Variants in ATP7A observed in about 807,000 individuals in gnomAD.
The protein encoded by ATP7A is ATPase copper transporting alpha.
In ATP7A, 7 loss-of-function variants were observed where a neutral mutation model predicts 83.5. That is an observed-to-expected ratio of 0.08 (90% CI 0.05 to 0.16). The LOEUF is 0.16. Ranked by LOEUF, ATP7A falls within the 10% of genes least tolerant of loss-of-function variation. ATP7A has a pLI of 1.00. For missense variants in ATP7A, 940 were observed against 1,120.8 expected (o/e 0.84, Z 2.30); for synonymous variants, 354 against 395.2 (o/e 0.90, Z 1.24).
chrX:77,991,226 C>T (rs1327821449), intron 4 of ATP7A, among the ~76,000 whole-genome samples: 1 of 111,437 alleles, frequency 9.0e-6, no homozygotes, highest in African/African-American at 3.3e-5. Context: ...CCCATTTCTC[C>T]TTCCCCTCCC....
At chrX:78,041,332 G>C (rs782415835) in intron 19 of ATP7A, among the ~76,000 whole-genome samples, 1 of 109,630 alleles carries the variant, frequency 9.1e-6, no homozygotes, top group East Asian at 2.9e-4. Flanking sequence ...CTGAAGTGCA[G>C]TGGCGCGATC....
At chrX:77,921,863 G>A (rs939955634) in intron 1 of ATP7A, among the ~76,000 whole-genome samples, 1 of 111,419 alleles carries the variant, frequency 9.0e-6, no homozygotes, top group Non-Finnish European at 1.9e-5. Flanking sequence ...CTGAGATCAC[G>A]CTACTGCACT....
intron 1 of ATP7A, among the ~76,000 whole-genome samples, chrX:77,931,637 G>A (rs782190703): frequency 3.8e-5 from 4 of 104,984 alleles, no homozygotes; most frequent in South Asian, 4.3e-4. Context: ...CTGGCCGGGC[G>A]GGGGGCTGAC....
At chrX:77,923,498 GA>G (rs1196482896) in intron 1 of ATP7A, 1 of 111,128 alleles carries the variant, frequency 9.0e-6, no homozygotes, top group African/African-American at 3.3e-5. Context: ...TATCTGGCCA[GA>G]TACAATTTGT....
intron 1 of ATP7A, among the ~76,000 whole-genome samples, chrX:77,956,726 C>CCTTTCTTTCTTTCTTT (rs202001825): frequency 0.022 from 1,651 of 73,711 alleles, 44 homozygotes; most frequent in Middle Eastern, 0.036. Context: ...TACCCAGTCT[C>CCTTTCTTTCTTTCTTT]CTTTCTTTCT....
In ATP7A at chrX:77,971,616, A is replaced by G. The variant is rs1557229667; in HGVS notation, c.-21-5A>G. The G allele has an allele frequency of 1.7e-6, 2 of 1,208,357 alleles. No individual in the cohort carries two copies. The highest frequency in any genetic ancestry group is 2.2e-6 in the Non-Finnish European group (2 of 892,332). On this transcript the variant is annotated splice_polypyrimidine_tract_variant and splice_region_variant and intron_variant, in intron 1 of 22. Transcript: ENST00000341514. The stretch of plus-strand genomic sequence containing the variant: ...TGAAATTAATGAATTTATTGTTTCT[A>G]ACAGGAATGTAATGAGGAAATCAAA...
At chrX:77,928,562 T>C (rs782537314) in intron 1 of ATP7A, among the ~76,000 whole-genome samples, 1 of 111,224 alleles carries the variant, frequency 9.0e-6, no homozygotes, top group Non-Finnish European at 1.9e-5. Flanking sequence ...GTAAGAGATA[T>C]ATGTTCCTTG....
intron 1 of ATP7A, among the ~76,000 whole-genome samples, chrX:77,915,521 A>T (rs1281207091): frequency 1.1e-4 from 12 of 111,013 alleles, no homozygotes; most frequent in Non-Finnish European, 2.3e-4. Flanking sequence ...GATCTAATAC[A>T]TGTACGGTGT....
intron 17 of ATP7A, among the ~76,000 whole-genome samples, chrX:78,035,911 T>C (rs1557237690): frequency 8.9e-6 from 1 of 111,990 alleles, no homozygotes; most frequent in Non-Finnish European, 1.9e-5. Context: ...GTACTTAATC[T>C]CTGTTACTGT....
Position 78,011,687 on chromosome X carries a change from T to C in ATP7A, c.2172+13T>C, listed in dbSNP as rs782730248. ...TGTACCTGTACAGGCAAGTGAATTG[T>C]TAGCAAATATATTTGTTAATAATAA... On this transcript the variant is annotated intron_variant, in intron 9 of 22. Coordinates refer to ENST00000341514, the MANE Select transcript of ATP7A (RefSeq NM_000052.7). 9.2e-6 allele frequency: 11 copies of C among 1,194,676 alleles called. No individual in the cohort carries two copies. Among genetic ancestry groups the C allele is most frequent in the Non-Finnish European group, 1.2e-5 (11 of 881,631 alleles).
At chrX:78,007,364 C>T (rs1457717877) in intron 6 of ATP7A, among the ~76,000 whole-genome samples, 3 of 110,034 alleles carry the variant, frequency 2.7e-5, no homozygotes, top group South Asian at 3.8e-4. Context: ...CTCGCTCTGT[C>T]GCCCAGGCTG....
rs1337281661 is a variant in ATP7A, at chrX:77,910,826, G to C, written c.-31G>C. 1 of 112,298 alleles carries C rather than the reference G, an allele frequency of 8.9e-6. No homozygotes were observed. The highest frequency in any genetic ancestry group is 1.9e-5 in the Non-Finnish European group (1 of 53,249). The allele number at this position is 112,298 out of a possible 1,213,427, so 9.3% of individuals were successfully genotyped here. A position where few individuals can be genotyped will look rare whatever the true frequency, so the allele number is the denominator to read the frequency against. On this transcript the variant is annotated 5_prime_UTR_variant, in exon 1 of 23. Coordinates refer to ENST00000341514, the MANE Select transcript of ATP7A (RefSeq NM_000052.7). ...GCTCCAGAGGTTTAACCATAGGATA[G>C]AGAAACCAGGTAAGTCCTACATTGG...
chrX:78,010,293 C>A (rs1557234264), intron 7 of ATP7A, among the ~76,000 whole-genome samples: 2 of 111,864 alleles, frequency 1.8e-5, no homozygotes. Flanking sequence ...ACTGTCATAA[C>A]TGGGATTTGA....
chrX:77,986,812 C>T (rs1336588768), intron 2 of ATP7A, among the ~76,000 whole-genome samples: 2 of 111,797 alleles, frequency 1.8e-5, no homozygotes, highest in Non-Finnish European at 3.8e-5. Context: ...TCCTGTATCA[C>T]TCCACCCTAC....
At chrX:77,971,846 A>G in intron 2 of ATP7A, 85 bp downstream of exon 2, 2 of 1,027,167 alleles carry the variant, frequency 1.9e-6, no homozygotes, top group Admixed American at 2.2e-5. Context: ...ATAGAAGCAG[A>G]CACACTGACA....
At position 78,020,103 on chromosome X, in the gene ATP7A, A is replaced by G. The variant is rs947291150; in HGVS notation, c.2627-141A>G. ...GCATTGGCCTAGAACTGATATAAGG[A>G]AAAAGGGAAAGCAACTTTCACCTAG... On this transcript the variant is annotated intron_variant, in intron 12 of 22. Transcript: ENST00000341514. 479 of 741,130 alleles carry G rather than the reference A, an allele frequency of 6.5e-4. 1 individual carries two copies. The highest frequency in any genetic ancestry group is 1.1e-4 in the Non-Finnish European group (56 of 497,672). The allele number at this position is 741,130 out of a possible 1,213,427, so 61.1% of individuals were successfully genotyped here. A position where few individuals can be genotyped will look rare whatever the true frequency, so the allele number is the denominator to read the frequency against.
Position 78,011,183 on chromosome X carries a change from G to A in ATP7A, c.1877G>A (p.Gly626Asp). The change falls in exon 8 of 23, where the codon GGT becomes GAT. Residue 626 changes from glycine (G) to aspartate (D), a missense_variant. By Grantham distance (94) the Gly-to-Asp change is moderately conservative (BLOSUM62 -1). This residue lies in a region of ATP7A where 204 missense variants were observed against 185.8 expected (regional missense o/e 1.10). Coordinates refer to ENST00000341514, the MANE Select transcript of ATP7A (RefSeq NM_000052.7). ...TCTCATGAATTTCCTTAGAGCTTAG[G>A]TTTTGAAGCTTCTTTGGTCAAGAAG... The part of the protein sequence containing the change: ...RDIIHTIESL[G>D]FEASLVKKDR... 8.3e-7 allele frequency: 1 copy of A among 1,208,978 alleles called. No individual in the cohort carries two copies. Among genetic ancestry groups the A allele is most frequent in the African/African-American group, 1.7e-5 (1 of 57,614 alleles).
chrX:78,030,007 T>G (rs1352897174), intron 15 of ATP7A, among the ~76,000 whole-genome samples: 1 of 112,552 alleles, frequency 8.9e-6, no homozygotes, highest in African/African-American at 3.2e-5. Flanking sequence ...ATGTAAGCTA[T>G]GTACAGAGGT....
At chrX:78,005,084 C>T (rs2077764834) in intron 6 of ATP7A, among the ~76,000 whole-genome samples, 1 of 109,270 alleles carries the variant, frequency 9.2e-6, no homozygotes, top group South Asian at 3.9e-4. Flanking sequence ...TTGCCTGCCT[C>T]CCAAAATTGA....
Sources: gnomAD v4.1 joint callset for allele counts (sites outside exome capture counted in the v4.1 genomes callset) on GRCh38, gnomAD v4.1.1 for gene constraint, gnomAD v4.1.1 regional missense constraint, MANE v1.5 for transcripts, NCBI Gene and HGNC (gene_info 2026-07-23, HGNC 2026-07-21) for gene names.